TYW1B: variants seen among roughly 807,000 people sequenced by gnomAD.
The protein encoded by TYW1B is S-adenosyl-L-methionine-dependent tRNA 4-demethylwyosine synthase TYW1B.
Under a neutral mutation model 86.9 loss-of-function variants are expected in TYW1B, and 73 were observed. That is an observed-to-expected ratio of 0.84 (90% CI 0.70 to 1.02). TYW1B has a LOEUF of 1.02. TYW1B is among the 50% of genes least tolerant of loss of function. The probability of loss-of-function intolerance (pLI) is 0.00; values close to 1 mark genes in which losing one functional copy is unlikely to be tolerated. For synonymous variants in TYW1B, 248 were observed against 292.8 expected (o/e 0.85, Z 1.56); for missense variants, 637 against 827.4 (o/e 0.77, Z 2.82).
At chr7:72,764,244 C>A (rs1554467912) in intron 7 of TYW1B, among the ~76,000 whole-genome samples, 1 of 152,166 alleles carries the variant, frequency 6.6e-6, no homozygotes, top group East Asian at 1.9e-4. Context: ...CAACTGCAAT[C>A]AGCTACATTC....
intron 11 of TYW1B, among the ~76,000 whole-genome samples, chr7:72,657,487 T>A (rs1302724152): frequency 6.6e-6 from 1 of 152,116 alleles, no homozygotes; most frequent in African/African-American, 2.4e-5. Flanking sequence ...GATAACCAGA[T>A]ACAGTAGGCT....
At chr7:72,827,347 G>T (rs568823852) in intron 1 of TYW1B, among the ~76,000 whole-genome samples, 35 of 152,318 alleles carry the variant, frequency 2.3e-4, no homozygotes, top group African/African-American at 4.1e-4. Flanking sequence ...GGCAGAGGTT[G>T]CAGTGAGCCA....
chr7:72,819,090 T>G (rs1788780361), intron 2 of TYW1B, among the ~76,000 whole-genome samples: 1 of 151,864 alleles, frequency 6.6e-6, no homozygotes, highest in African/African-American at 2.4e-5. Context: ...GGGAAAACCA[T>G]GAGGTTATCC....
intron 12 of TYW1B, among the ~76,000 whole-genome samples, chr7:72,617,049 T>C (rs1313220665): frequency 6.6e-6 from 1 of 152,218 alleles, no homozygotes; most frequent in African/African-American, 2.4e-5. Context: ...CTCTTGCTAC[T>C]CTATGACATT....
chr7:72,578,765 T>C (rs1811081869), intron 13 of TYW1B, among the ~76,000 whole-genome samples: 1 of 152,204 alleles, frequency 6.6e-6, no homozygotes, highest in Non-Finnish European at 1.5e-5. Context: ...TGAGGTTATG[T>C]ACAAGGCACT....
intron 11 of TYW1B, among the ~76,000 whole-genome samples, chr7:72,661,313 TACC>T (rs1470372488): frequency 6.7e-6 from 1 of 148,800 alleles, no homozygotes; most frequent in African/African-American, 2.5e-5. Context: ...AAATAAAATT[TACC>T]CACAGGTTTT....
intron 13 of TYW1B, among the ~76,000 whole-genome samples, chr7:72,610,674 A>T (rs1348870298): frequency 1.6e-4 from 24 of 152,180 alleles, no homozygotes; most frequent in African/African-American, 5.8e-4. Context: ...GGAGGGTCTC[A>T]CTCTGTTGTC....
chr7:72,765,981 C>T (rs1252193823), intron 7 of TYW1B, among the ~76,000 whole-genome samples: 2 of 152,194 alleles, frequency 1.3e-5, no homozygotes, highest in Non-Finnish European at 2.9e-5. Flanking sequence ...CTACTTTTCT[C>T]ACTTGGCAGA....
intron 6 of TYW1B, among the ~76,000 whole-genome samples, chr7:72,801,810 G>A (rs1437835469): frequency 1.3e-5 from 2 of 151,986 alleles, no homozygotes; most frequent in African/African-American, 4.8e-5. Context: ...CCACAGACCA[G>A]GCTGCCATCC....
chr7:72,584,850 T>A lies in TYW1B; in HGVS notation c.1786-9131A>T, dbSNP rs143137676. On this transcript the variant is annotated intron_variant, in intron 13 of 13. Transcript: ENST00000620995. ...GCCTACTGTCTGTTAATTATTTCTC[T>A]ACTCAAGTACAGCACAAGAGGCCTT... Among the ~76,000 whole-genome samples, 991 of 152,278 alleles carry A rather than the reference T, an allele frequency of 6.5e-3. 11 individuals are homozygous for A. The highest frequency in any genetic ancestry group is 0.02 in the African/African-American group (850 of 41,562).
intron 13 of TYW1B, among the ~76,000 whole-genome samples, chr7:72,606,360 C>T (rs1811798421): frequency 6.6e-6 from 1 of 152,118 alleles, no homozygotes; most frequent in South Asian, 2.1e-4. Context: ...ACCTAGACTC[C>T]CACCTTCACC....
intron 11 of TYW1B, among the ~76,000 whole-genome samples, chr7:72,683,046 G>C (rs567245284): frequency 2.0e-5 from 3 of 152,276 alleles, no homozygotes; most frequent in East Asian, 1.9e-4. Flanking sequence ...TTGATAACAA[G>C]GTCTGCTCTC....
intron 11 of TYW1B, among the ~76,000 whole-genome samples, chr7:72,688,640 T>C (rs1814066397): frequency 6.6e-6 from 1 of 152,178 alleles, no homozygotes; most frequent in Non-Finnish European, 1.5e-5. Flanking sequence ...CTTTAGGCAC[T>C]TCTTGGGTCA....
intron 11 of TYW1B, among the ~76,000 whole-genome samples, chr7:72,674,089 T>C (rs782235199): frequency 1.1e-4 from 16 of 152,056 alleles, no homozygotes; most frequent in African/African-American, 2.2e-4. Flanking sequence ...CTAGGCTTCA[T>C]AGGGGATGGT....
chr7:72,798,016 C>T (rs7800084), intron 6 of TYW1B, among the ~76,000 whole-genome samples: 98,432 of 147,964 alleles, frequency 0.67, 33,546 homozygotes, highest in Non-Finnish European at 0.76. Flanking sequence ...TATATACACA[C>T]ACACACACAC....
At chr7:72,744,461 C>T in intron 8 of TYW1B, 23 bp downstream of exon 8, 2 of 1,604,750 alleles carry the variant, frequency 1.2e-6, no homozygotes, top group Middle Eastern at 1.7e-4. Context: ...ATTCGATCAC[C>T]ATGACCTTTC....
intron 9 of TYW1B, among the ~76,000 whole-genome samples, chr7:72,722,266 T>C (rs1188909176): frequency 6.6e-6 from 1 of 152,202 alleles, no homozygotes; most frequent in Non-Finnish European, 1.5e-5. Flanking sequence ...AGTACTTTGC[T>C]TCTAGCCTAA....
chr7:72,759,633 T>C (rs1787654152), intron 7 of TYW1B, among the ~76,000 whole-genome samples: 1 of 152,196 alleles, frequency 6.6e-6, no homozygotes, highest in African/African-American at 2.4e-5. Context: ...TAACTCACTA[T>C]CTCTCTATTT....
chr7:72,625,918 G>A (rs1453729357), intron 12 of TYW1B, among the ~76,000 whole-genome samples: 1 of 147,598 alleles, frequency 6.8e-6, no homozygotes, highest in East Asian at 2.1e-4. Flanking sequence ...AAGAAAGGAA[G>A]GAAATGAAAA....
Sources: gnomAD v4.1 joint callset for allele counts (sites outside exome capture counted in the v4.1 genomes callset) on GRCh38, gnomAD v4.1.1 for gene constraint, MANE v1.5 for transcripts, NCBI Gene and HGNC (gene_info 2026-07-23, HGNC 2026-07-21) for gene names.